BCKDHA: variants seen among roughly 807,000 people sequenced by gnomAD.
The protein encoded by BCKDHA is 2-oxoisovalerate dehydrogenase subunit alpha, mitochondrial.
A neutral mutation model predicts 52.2 loss-of-function variants in BCKDHA; 43 were observed. The ratio of observed to expected loss-of-function variants is 0.82; its 90% CI spans 0.64 to 1.06. The LOEUF (loss-of-function observed/expected upper bound fraction) is 1.06, where lower values mean the gene tolerates loss of function less well. Among genes scored for constraint, BCKDHA ranks in the 50% least tolerant of loss-of-function variants. BCKDHA has a pLI of 0.00. For missense variants in BCKDHA, 527 were observed against 621.3 expected (o/e 0.85, Z 1.61); for synonymous variants, 234 against 247.9 (o/e 0.94, Z 0.53).
intron 1 of BCKDHA, among the ~76,000 whole-genome samples, chr19:41,405,185 C>T (rs1437549632): frequency 6.6e-6 from 1 of 152,218 alleles, no homozygotes; most frequent in Non-Finnish European, 1.5e-5. Context: ...GCAATCCACA[C>T]AGGTCAACTC....
chr19:41,400,325 C>T (rs1313728838), intron 1 of BCKDHA: 1 of 151,868 alleles, frequency 6.6e-6, no homozygotes, highest in Non-Finnish European at 1.5e-5. Context: ...CTGCAACCTC[C>T]ACTTCCCAGG....
In BCKDHA at chr19:41,422,561, TC is replaced by T. The variant is rs143938383; in HGVS notation, c.854-64del. 3.3e-3 allele frequency: 5,383 copies of T among 1,608,042 alleles called. 106 individuals are homozygous for T. The African/African-American group carries it at 0.045, about 13-fold the overall frequency. On this transcript the variant is annotated intron_variant, in intron 6 of 8. Coordinates refer to ENST00000269980, the MANE Select transcript of BCKDHA (RefSeq NM_000709.4). Reference sequence around the variant, plus strand: ...TTGCTCTCTGTCCTCTCCCTGCTCGTCCCCTTGGCCTCGTGCATGTTCCTTA... The same window carrying T: ...TTGCTCTCTGTCCTCTCCCTGCTCGTCCCTTGGCCTCGTGCATGTTCCTTA...
At chr19:41,421,909 G>A (rs1035637826) in intron 5 of BCKDHA, among the ~76,000 whole-genome samples, 2 of 152,104 alleles carry the variant, frequency 1.3e-5, no homozygotes, top group African/African-American at 2.4e-5. Context: ...GGAGAATGGC[G>A]GGAAGTTTGG....
At position 41,424,760 on chromosome 19, in the gene BCKDHA, C is replaced by A; in HGVS notation, c.*152C>A. ...GCCAGGGCGGCTGCCACTCTTCACC[C>A]CTGCTCCTCCCGGCTGTTACATTGT... On this transcript the variant is annotated 3_prime_UTR_variant, in exon 9 of 9. Transcript: ENST00000269980. 1.3e-6 allele frequency: 1 copy of A among 791,224 alleles called. No individual in the cohort carries two copies. 49.0% of individuals were successfully genotyped at this position (791,224 alleles called of 1,614,324 possible).
At chr19:41,419,054 A>G in intron 4 of BCKDHA, 81 bp from the exon 5 acceptor site, 1 of 1,535,060 alleles carries the variant, frequency 6.5e-7, no homozygotes, top group East Asian at 2.3e-5. Flanking sequence ...TCTGCCTGCC[A>G]GCATGCTGCA....
At chr19:41,404,401 T>C (rs1384979900) in intron 1 of BCKDHA, among the ~76,000 whole-genome samples, 1 of 151,988 alleles carries the variant, frequency 6.6e-6, no homozygotes, top group African/African-American at 2.4e-5. Context: ...GCCATTCTCC[T>C]GCCTCAGCCT....
intron 1 of BCKDHA, among the ~76,000 whole-genome samples, chr19:41,402,179 A>G (rs2039145949): frequency 6.6e-6 from 1 of 152,154 alleles, no homozygotes; most frequent in Non-Finnish European, 1.5e-5. Context: ...ATCCACCCCC[A>G]TAATTCAATT....
At chr19:41,415,177 C>A (rs1420280981) in intron 4 of BCKDHA, among the ~76,000 whole-genome samples, 2 of 152,240 alleles carry the variant, frequency 1.3e-5, no homozygotes, top group Non-Finnish European at 2.9e-5. Context: ...CTTGGCCCCA[C>A]ATGCTCTAGG....
intron 8 of BCKDHA, among the ~76,000 whole-genome samples, chr19:41,423,570 G>A (rs1354533222): frequency 6.6e-6 from 1 of 151,930 alleles, no homozygotes; most frequent in Non-Finnish European, 1.5e-5. Flanking sequence ...AGTGGCTCAC[G>A]CCTGTAATCC....
chr19:41,421,728 C>A (rs144015438), intron 5 of BCKDHA, among the ~76,000 whole-genome samples: 34 of 152,180 alleles, frequency 2.2e-4, no homozygotes, highest in African/African-American at 6.3e-4. Context: ...GAGGAGTCTG[C>A]TCTTCCTTGG....
At chr19:41,418,628 C>A in intron 4 of BCKDHA, 1 of 390,250 alleles carries the variant, frequency 2.6e-6, no homozygotes, top group Non-Finnish European at 5.0e-6. Context: ...AACTTCTGGG[C>A]TGAAGCAATC....
chr19:41,423,813 C>T (rs1416573941), intron 8 of BCKDHA, among the ~76,000 whole-genome samples: 2 of 144,192 alleles, frequency 1.4e-5, no homozygotes, highest in Non-Finnish European at 3.0e-5. Flanking sequence ...GCCTGGGCAA[C>T]GAGAGCAAGA....
intron 1 of BCKDHA, among the ~76,000 whole-genome samples, chr19:41,403,147 C>T (rs940556497): frequency 6.6e-6 from 1 of 152,212 alleles, no homozygotes; most frequent in Non-Finnish European, 1.5e-5. Context: ...GTGATACCTG[C>T]CTAATCTGCA....
intron 1 of BCKDHA, among the ~76,000 whole-genome samples, chr19:41,404,213 C>T (rs752206084): frequency 1.3e-5 from 2 of 151,998 alleles, no homozygotes; most frequent in Admixed American, 1.3e-4. Context: ...CTCCTGGCTT[C>T]GAGTGAACTG....
Position 41,405,543 on chromosome 19 carries a change from T to A in BCKDHA, c.109-5094T>A, listed in dbSNP as rs539189936. The stretch of plus-strand genomic sequence containing the variant: ...ATCCTCCCTCCTTGGCCTCCCAAAG[T>A]GCTGGTATTACAAGTGTGAACCACC... On this transcript the variant is annotated intron_variant, in intron 1 of 8. Transcript: ENST00000269980. 2.6e-5 allele frequency among the ~76,000 whole-genome samples: 4 copies of A among 152,210 alleles called. No homozygotes were observed. The East Asian group carries it at 7.7e-4, about 29-fold the overall frequency.
At chr19:41,401,612 G>T (rs917424183) in intron 1 of BCKDHA, among the ~76,000 whole-genome samples, 1 of 152,146 alleles carries the variant, frequency 6.6e-6, no homozygotes, top group African/African-American at 2.4e-5. Flanking sequence ...TCCTGTCTCT[G>T]TTATCATAGC....
chr19:41,419,065 G>T, intron 4 of BCKDHA, 70 bp from the exon 5 acceptor site: 9 of 1,573,754 alleles, frequency 5.7e-6, no homozygotes, highest in Non-Finnish European at 7.9e-6. Flanking sequence ...GCATGCTGCA[G>T]GTCACCCACA....
In BCKDHA at chr19:41,422,202, A is replaced by C; in HGVS notation, c.685A>C (p.Asn229His). 1 of 1,614,096 alleles carries C rather than the reference A, an allele frequency of 6.2e-7. No homozygotes were observed. The highest frequency in any genetic ancestry group is 8.5e-7 in the Non-Finnish European group (1 of 1,179,996). Residue 229 changes from asparagine (N) to histidine (H), a missense_variant, in exon 6 of 9, where the codon AAC (asparagine) becomes CAC (histidine). Physicochemically the swap from Asn to His is moderately conservative, Grantham distance 68. Transcript: ENST00000269980. ...AAYAAKRANA[N>H]RVVICYFGEG... ...GTACGCAGCCAAGCGGGCCAATGCC[A>C]ACAGGGTCGTCATCTGTTACTTCGG...
At chr19:41,408,966 G>A (rs372442737) in intron 1 of BCKDHA, among the ~76,000 whole-genome samples, 1 of 150,468 alleles carries the variant, frequency 6.6e-6, no homozygotes, top group Non-Finnish European at 1.5e-5. Flanking sequence ...GTCTTTTTTT[G>A]TGTGTGTGGC....
Sources: gnomAD v4.1 joint callset for allele counts (sites outside exome capture counted in the v4.1 genomes callset) on GRCh38, gnomAD v4.1.1 for gene constraint, MANE v1.5 for transcripts, NCBI Gene and HGNC (gene_info 2026-07-23, HGNC 2026-07-21) for gene names.